Variants in PZP observed in about 807,000 individuals in gnomAD.
The protein encoded by PZP is pregnancy zone protein.
A neutral mutation model predicts 179.8 loss-of-function variants in PZP; 150 were observed. The ratio of observed to expected loss-of-function variants is 0.83; its 90% CI spans 0.73 to 0.96. PZP has a LOEUF of 0.96. Ranked by LOEUF, PZP falls within the 40% of genes least tolerant of loss-of-function variation. The pLI, the probability that PZP is intolerant of heterozygous loss-of-function variation, is 0.00. For missense variants in PZP, 1,689 were observed against 1,764.0 expected, an observed-to-expected ratio of 0.96 and a Z score of 0.76; for synonymous variants, 624 against 652.3, an observed-to-expected ratio of 0.96 and a Z score of 0.66.
chr12:9,179,075 C>T (rs1444936671), intron 15 of PZP, among the ~76,000 whole-genome samples: 4 of 152,140 alleles, frequency 2.6e-5, no homozygotes, highest in Non-Finnish European at 4.4e-5. Flanking sequence ...TATAAAATTT[C>T]TCATAACTTT....
At chr12:9,168,689 A>T (rs142060129) in intron 17 of PZP, 180 bp downstream of exon 17, 2 of 513,086 alleles carry the variant, frequency 3.9e-6, no homozygotes, top group East Asian at 6.1e-5. Context: ...TCTAAAAAAA[A>T]ATCTCTGATC....
At chr12:9,174,862 G>T (rs990202607) in intron 15 of PZP, among the ~76,000 whole-genome samples, 5 of 152,122 alleles carry the variant, frequency 3.3e-5, no homozygotes, top group Admixed American at 3.3e-4. Context: ...AGAAGAATCA[G>T]TGTAATGACA....
intron 28 of PZP, among the ~76,000 whole-genome samples, chr12:9,156,966 G>A (rs1259514177): frequency 1.3e-5 from 2 of 151,394 alleles, no homozygotes; most frequent in African/African-American, 4.8e-5. Flanking sequence ...GGGTACATGT[G>A]CAGGATGTGC....
rs529444527 is a variant in PZP, at chr12:9,186,013, G to A, written c.1547-3896C>T. Among the ~76,000 whole-genome samples, 11 of 151,840 alleles carry A rather than the reference G, an allele frequency of 7.2e-5. No individual in the cohort carries two copies. In the South Asian group the frequency reaches 8.3e-4, roughly 12 times the overall value. On this transcript the variant is annotated intron_variant, in intron 13 of 35. Transcript: ENST00000261336. ...AGTAGAGATGGGGTTTCACCATGTTGGCCAGGATGGTCTCGATCTCCTGAC... is the reference window on the plus strand; with the variant it reads ...AGTAGAGATGGGGTTTCACCATGTTAGCCAGGATGGTCTCGATCTCCTGAC...
intron 10 of PZP, among the ~76,000 whole-genome samples, chr12:9,194,522 T>G (rs893798794): frequency 1.4e-5 from 2 of 143,582 alleles, no homozygotes; most frequent in Non-Finnish European, 3.0e-5. Flanking sequence ...TGGAGTGCAG[T>G]GGCGCGATCT....
chr12:9,203,664 A>T, intron 2 of PZP, 104 bp downstream of exon 2: 1 of 1,372,596 alleles, frequency 7.3e-7, no homozygotes, highest in Non-Finnish European at 1.0e-6. Flanking sequence ...CTACATTCTT[A>T]AAGTCATACC....
At chr12:9,194,387 T>C in intron 10 of PZP, 149 bp from the exon 11 acceptor site, 1 of 640,986 alleles carries the variant, frequency 1.6e-6, no homozygotes, top group Non-Finnish European at 2.6e-6. Flanking sequence ...GACAAAATGT[T>C]TCCTTCCATT....
chr12:9,195,611 A>ATTT lies in PZP; in HGVS notation c.1092+716_1092+718dup, dbSNP rs11398106. On this transcript the variant is annotated intron_variant, in intron 10 of 35. Coordinates refer to ENST00000261336, the MANE Select transcript of PZP (RefSeq NM_002864.3). ...GGTGCACGCCACCAGCCCACTGCTAATTTTTTTTTTTTTTTTTTTTTTTGC... is the reference window on the plus strand; with the variant it reads ...GGTGCACGCCACCAGCCCACTGCTAATTTTTTTTTTTTTTTTTTTTTTTTTTGC... Among the ~76,000 whole-genome samples, 106 of 104,218 alleles carry ATTT rather than the reference A, an allele frequency of 1.0e-3. 1 individual carries two copies. Among genetic ancestry groups the ATTT allele is most frequent in the African/African-American group, 1.5e-3 (40 of 27,476 alleles). 68.4% of individuals were successfully genotyped at this position (104,218 alleles called of 152,430 possible).
At chr12:9,203,094 T>C (rs1944257935) in intron 2 of PZP, among the ~76,000 whole-genome samples, 1 of 152,160 alleles carries the variant, frequency 6.6e-6, no homozygotes, top group Non-Finnish European at 1.5e-5. Context: ...GCATGCAAAG[T>C]TTTTATCATG....
chr12:9,163,779 G>T lies in PZP; in HGVS notation c.2625C>A (p.Asn875Lys). The change falls in exon 21 of 36, where the codon AAC becomes AAA. Residue 875 changes from asparagine (N) to lysine (K), a missense_variant. Physicochemically the swap from Asn to Lys is moderately conservative, Grantham distance 94. This residue lies in a region of PZP where 746 missense variants were observed against 749.2 expected (regional missense o/e 1.00). Coordinates refer to ENST00000261336, the MANE Select transcript of PZP (RefSeq NM_002864.3). ...TVTPKTLGNV[N>K]FSVSAEAMQS... ...GCATTGCCTCTGCACTCACTGAGAA[G>T]TTCACATTCCCTAAAACAAGGAATA... 2 of 1,611,498 alleles carry T rather than the reference G, an allele frequency of 1.2e-6. No homozygotes were observed. The highest frequency in any genetic ancestry group is 1.7e-6 in the Non-Finnish European group (2 of 1,179,256).
intron 6 of PZP, 136 bp downstream of exon 6, chr12:9,200,756 G>A (rs1944108524): frequency 9.7e-6 from 9 of 930,106 alleles, no homozygotes; most frequent in South Asian, 3.4e-5. Flanking sequence ...TGTTCACACC[G>A]TCCTAATGGT....
rs757276686 is a variant in PZP at position 9,159,929 on chromosome 12, C to T, written c.3137+9G>A. The T allele has an allele frequency of 6.2e-7, 1 of 1,600,460 alleles. No individual in the cohort carries two copies. The highest frequency in any genetic ancestry group is 1.3e-5 in the African/African-American group (1 of 74,664). ...ATAGTTGAAACTCAGAATAGATTTT[C>T]TTTCTTACCAAGTGTTGCCCTGGTT... On this transcript the variant is annotated intron_variant, in intron 25 of 35. Transcript: ENST00000261336.
In PZP at chr12:9,152,324, G is replaced by C; in HGVS notation, c.4122-14C>G. ...TTTCCTGTGTAACTGTAGTGTCAAA[G>C]GAAAAAGAATTTAGGGTTTTATACG... is the stretch of plus-strand genomic sequence containing the variant. On this transcript the variant is annotated splice_polypyrimidine_tract_variant and intron_variant, in intron 31 of 35. Coordinates refer to ENST00000261336, the MANE Select transcript of PZP (RefSeq NM_002864.3). The C allele has an allele frequency of 1.3e-6, 2 of 1,597,612 alleles. No homozygotes were observed. Among genetic ancestry groups the C allele is most frequent in the Non-Finnish European group, 1.7e-6 (2 of 1,165,184 alleles).
chr12:9,157,497 A>G, intron 27 of PZP, 142 bp from the exon 28 acceptor site: 1 of 849,972 alleles, frequency 1.2e-6, no homozygotes, highest in Non-Finnish European at 1.8e-6. Context: ...ATTTAAATAG[A>G]AAAATATTTC....
chr12:9,178,485 G>C (rs939443519), intron 15 of PZP, among the ~76,000 whole-genome samples: 1 of 152,134 alleles, frequency 6.6e-6, no homozygotes, highest in Non-Finnish European at 1.5e-5. Flanking sequence ...GCCGTAAAGT[G>C]CTTCCTTTAG....
downstream of PZP, among the ~76,000 whole-genome samples, chr12:9,145,109 T>C (rs1047957735): frequency 6.6e-6 from 1 of 152,188 alleles, no homozygotes; most frequent in Non-Finnish European, 1.5e-5. Context: ...TTTGGGTCTG[T>C]TTTTTTAACT....
chr12:9,153,160 T>C lies in PZP; in HGVS notation c.3958A>G (p.Ile1320Val), dbSNP rs1940491795. ...SLPELPGEYVITVTGERCVYL... is the reference protein window; with the variant it reads ...SLPELPGEYVVTVTGERCVYL... ...ACACATCTTTCCCCAGTTACTGTTA[T>C]GACATATTCTCCAGGGAGCTCTGGC... Residue 1320 changes from isoleucine (I) to valine (V), a missense_variant, in exon 30 of 36, where the codon ATA (isoleucine) becomes GTA (valine). Coordinates refer to ENST00000261336, the MANE Select transcript of PZP (RefSeq NM_002864.3). The C allele has an allele frequency of 2.5e-6, 4 of 1,614,214 alleles. No homozygotes were observed. Among genetic ancestry groups the C allele is most frequent in the African/African-American group, 2.7e-5 (2 of 75,064 alleles).
At chr12:9,169,150 A>G (rs1941801699) in intron 16 of PZP, among the ~76,000 whole-genome samples, 176 bp from the exon 17 acceptor site, 1 of 149,006 alleles carries the variant, frequency 6.7e-6, no homozygotes, top group African/African-American at 2.5e-5. Flanking sequence ...TTAAGATTTT[A>G]TTCTTTATTC....
chr12:9,140,936 T>C, the PZP span, among the ~76,000 whole-genome samples: 1 of 152,210 alleles, frequency 6.6e-6, no homozygotes, highest in Admixed American at 6.5e-5. Flanking sequence ...TCATGTTCTG[T>C]TACAAAATAA....
Sources: gnomAD v4.1 joint callset for allele counts (sites outside exome capture counted in the v4.1 genomes callset) on GRCh38, gnomAD v4.1.1 for gene constraint, gnomAD v4.1.1 regional missense constraint, MANE v1.5 for transcripts, NCBI Gene and HGNC (gene_info 2026-07-23, HGNC 2026-07-21) for gene names.